Variants in LRRCC1 observed in about 807,000 individuals in gnomAD.
LRRCC1 encodes the protein leucine rich repeat and coiled-coil centrosomal protein 1.
In LRRCC1, 115 loss-of-function variants were observed where a neutral mutation model predicts 126.0. That is an observed-to-expected ratio of 0.91 (90% CI 0.78 to 1.07). The LOEUF is 1.07. Among genes scored for constraint, LRRCC1 ranks in the 50% least tolerant of loss-of-function variants. LRRCC1 has a pLI of 0.00. For synonymous variants in LRRCC1, 400 were observed against 393.4 expected (o/e 1.02, Z -0.20); for missense variants, 1,172 against 1,175.7 (o/e 1.00, Z 0.05).
chr8:85,135,923 G>C lies in LRRCC1; in HGVS notation c.2289G>C (p.Arg763Ser). 1.9e-6 allele frequency: 3 copies of C among 1,601,322 alleles called. No homozygotes were observed. Among genetic ancestry groups the C allele is most frequent in the Non-Finnish European group, 2.6e-6 (3 of 1,173,966 alleles). The change falls in exon 14 of 19, where the codon AGG (arginine) becomes AGC (serine). Residue 763 changes from arginine (R) to serine (S), a missense_variant. Transcript: ENST00000360375. ...AAKESLIFGL[R>S]TERKVWGHEL... ...AGGAATCACTAATATTTGGTTTAAG[G>C]ACAGAAAGAAAAGTATGGGGACATG...
At chr8:85,115,014 C>A in intron 4 of LRRCC1, 86 bp from the exon 5 acceptor site, 1 of 1,021,514 alleles carries the variant, frequency 9.8e-7, no homozygotes, top group South Asian at 1.9e-5. Flanking sequence ...GGTGATGTAT[C>A]TGGTAGCTGA....
At chr8:85,109,253 G>A in intron 1 of LRRCC1, 1 of 224,546 alleles carries the variant, frequency 4.5e-6, no homozygotes, top group East Asian at 9.6e-5. Context: ...ATAGAATGCA[G>A]ATTCAAACTG....
chr8:85,122,200 G>C (rs1192331781), intron 6 of LRRCC1, among the ~76,000 whole-genome samples: 1 of 152,006 alleles, frequency 6.6e-6, no homozygotes, highest in Non-Finnish European at 1.5e-5. Context: ...GTCTCTCTTT[G>C]TTTACAGCAG....
chr8:85,108,100 T>C (rs1232598483), intron 1 of LRRCC1, among the ~76,000 whole-genome samples: 2 of 152,206 alleles, frequency 1.3e-5, no homozygotes, highest in African/African-American at 4.8e-5. Flanking sequence ...CACTTACACT[T>C]TATTTACCTG....
At position 85,129,231 on chromosome 8, in the gene LRRCC1, T is replaced by A. The variant is rs1312182855; in HGVS notation, c.1478T>A (p.Val493Asp). ...TCCAAAGGACAACTCGAAGTTATGGTTCACAAACTTCAAAATGAAATTAAA... is the reference window on the plus strand; with the variant it reads ...TCCAAAGGACAACTCGAAGTTATGGATCACAAACTTCAAAATGAAATTAAA... ...RNSKGQLEVM[V>D]HKLQNEIKKL... Residue 493 changes from valine (V) to aspartate (D), a missense_variant, in exon 10 of 19, where the codon GTT (valine) becomes GAT (aspartate). Physicochemically the swap from Val to Asp is radical, Grantham distance 152. Transcript: ENST00000360375. 6.2e-7 allele frequency: 1 copy of A among 1,613,070 alleles called. No individual in the cohort carries two copies. Among genetic ancestry groups the A allele is most frequent in the Admixed American group, 1.7e-5 (1 of 59,914 alleles).
In LRRCC1 at chr8:85,130,924, TGATGG is replaced by T. The variant is rs532896450; in HGVS notation, c.1767-834_1767-830del. 3.7e-3 allele frequency among the ~76,000 whole-genome samples: 568 copies of T among 152,372 alleles called. 17 individuals carry two copies. The highest frequency in any genetic ancestry group is 5.9e-4 in the Non-Finnish European group (40 of 68,032). ...AAAAAGGCAGTAGGTCACATTTGGC[TGATGG>T]GCTGTAGTTTCTCAACTCTTGCTCT... On this transcript the variant is annotated intron_variant, in intron 11 of 18. Coordinates refer to ENST00000360375, the MANE Select transcript of LRRCC1 (RefSeq NM_033402.5).
At chr8:85,144,983 G>A (rs887532759) in intron 18 of LRRCC1, among the ~76,000 whole-genome samples, 5 of 150,520 alleles carry the variant, frequency 3.3e-5, no homozygotes, top group African/African-American at 4.9e-5. Context: ...GGGAGGCTGA[G>A]GCAGGAGAAT....
chr8:85,109,982 A>G (rs1436509312), intron 2 of LRRCC1, 133 bp from the exon 3 acceptor site: 9 of 604,826 alleles, frequency 1.5e-5, no homozygotes, highest in Non-Finnish European at 2.2e-5. Context: ...CTAAATGCCA[A>G]TAAAATTGAT....
At chr8:85,141,340 C>T in intron 17 of LRRCC1, 42 bp from the exon 18 acceptor site, 1 of 1,525,946 alleles carries the variant, frequency 6.6e-7, no homozygotes. Context: ...ACATTCACAC[C>T]ACATATACAC....
At chr8:85,138,616 TA>T (rs1811039662) in intron 17 of LRRCC1, 141 bp downstream of exon 17, 1 of 858,986 alleles carries the variant, frequency 1.2e-6, no homozygotes, top group African/African-American at 1.7e-5. Flanking sequence ...ATTTCATCTG[TA>T]AAATGAAGAT....
chr8:85,115,231 A>T lies in LRRCC1; in HGVS notation c.676A>T (p.Asn226Tyr), dbSNP rs770622542. The stretch of plus-strand genomic sequence containing the variant: ...GCAGTGCCTAGAAGGTCTTTTGGAT[A>T]ATTTAGTTTCTTCTGATTCTCCCCT... Reference protein sequence around the residue: ...QLQCLEGLLDNLVSSDSPLNI... With the variant: ...QLQCLEGLLDYLVSSDSPLNI... Residue 226 changes from asparagine to tyrosine, a missense_variant, in exon 5 of 19, where the codon AAT (asparagine) becomes TAT (tyrosine). By Grantham distance (143) the Asn-to-Tyr change is moderately radical. Coordinates refer to ENST00000360375, the MANE Select transcript of LRRCC1 (RefSeq NM_033402.5). 7.4e-6 allele frequency: 12 copies of T among 1,611,382 alleles called. No individual in the cohort carries two copies. The Admixed American group carries it at 1.8e-4, about 25-fold the overall frequency.
chr8:85,128,419 AC>A (rs1236994175), intron 9 of LRRCC1, among the ~76,000 whole-genome samples: 1,003 of 75,426 alleles, frequency 0.013, 12 homozygotes, highest in African/African-American at 0.053. Context: ...TATCTGTGCC[AC>A]CCCCCCACCC....
Position 85,131,765 on chromosome 8 carries a change from A to T in LRRCC1, c.1772A>T (p.Glu591Val). ...LALKEQEHRK[E>V]LETREFFTDA... Reference sequence around the variant, plus strand: ...TTATATGTTTTTCACTCCAGGAAGGAACTTGAAACAAGGGAGTTTTTTACT... The same window carrying T: ...TTATATGTTTTTCACTCCAGGAAGGTACTTGAAACAAGGGAGTTTTTTACT... The change falls in exon 12 of 19, where the codon GAA (glutamate) becomes GTA (valine). Residue 591 changes from glutamate (E) to valine (V), a missense_variant. Physicochemically the swap from Glu to Val is moderately radical, Grantham distance 121 (BLOSUM62 -2). Coordinates refer to ENST00000360375, the MANE Select transcript of LRRCC1 (RefSeq NM_033402.5). 6 of 1,611,136 alleles carry T rather than the reference A, an allele frequency of 3.7e-6. No homozygotes were observed. Among genetic ancestry groups the T allele is most frequent in the Non-Finnish European group, 5.1e-6 (6 of 1,178,898 alleles).
intron 2 of LRRCC1, 115 bp downstream of exon 2, chr8:85,109,915 C>A: frequency 3.1e-6 from 2 of 637,860 alleles, no homozygotes; most frequent in Admixed American, 3.6e-5. Flanking sequence ...GTCTGAAACT[C>A]ATTATACAAA....
In LRRCC1 at chr8:85,138,262, T is replaced by A. The variant is rs1435060504; in HGVS notation, c.2702+19T>A. 1 of 1,581,124 alleles carries A rather than the reference T, an allele frequency of 6.3e-7. No individual in the cohort carries two copies. The highest frequency in any genetic ancestry group is 8.6e-7 in the Non-Finnish European group (1 of 1,165,426). The stretch of plus-strand genomic sequence containing the variant: ...CTTACAGGTATTATATAGTACAGTA[T>A]TTCCCACTGAGAAATAAAATGTGGC... On this transcript the variant is annotated intron_variant, in intron 16 of 18. Coordinates refer to ENST00000360375, the MANE Select transcript of LRRCC1 (RefSeq NM_033402.5).
At position 85,109,742 on chromosome 8, in the gene LRRCC1, C is replaced by A; in HGVS notation, c.252C>A (p.Asn84Lys). The A allele has an allele frequency of 6.2e-7, 1 of 1,602,492 alleles. No individual in the cohort carries two copies. The highest frequency in any genetic ancestry group is 2.2e-5 in the East Asian group (1 of 44,612). Residue 84 changes from asparagine (N) to lysine (K), a missense_variant, in exon 2 of 19, where the codon AAC (asparagine) becomes AAA (lysine). Coordinates refer to ENST00000360375, the MANE Select transcript of LRRCC1 (RefSeq NM_033402.5). ...SNQISRIEGL[N>K]TLTKLCTLNL... ...AAATAAGTAGAATTGAAGGACTAAACACACTGACAAAACTGTGCACATTAA... is the reference window on the plus strand; with the variant it reads ...AAATAAGTAGAATTGAAGGACTAAAAACACTGACAAAACTGTGCACATTAA...
At chr8:85,111,629 A>G (rs1330555177) in intron 3 of LRRCC1, among the ~76,000 whole-genome samples, 1 of 152,192 alleles carries the variant, frequency 6.6e-6, no homozygotes, top group African/African-American at 2.4e-5. Flanking sequence ...CCCCCAAAAA[A>G]TCAGCAAAAG....
rs781161064 is a variant in LRRCC1 at position 85,129,195 on chromosome 8, G to A, written c.1442G>A (p.Arg481Lys). 47 of 1,609,008 alleles carry A rather than the reference G, an allele frequency of 2.9e-5. No individual in the cohort carries two copies. Among genetic ancestry groups the A allele is most frequent in the Non-Finnish European group, 3.9e-5 (46 of 1,178,018 alleles). ...TTTAGGCTAAAGGAAATTATTTTTA[G>A]AGAGAGAAATTCCAAAGGACAACTC... ...TTDRLKEIIFRERNSKGQLEV... is the reference protein window; with the variant it reads ...TTDRLKEIIFKERNSKGQLEV... The change falls in exon 10 of 19, where the codon AGA (arginine) becomes AAA (lysine). Residue 481 changes from arginine to lysine, a missense_variant. Physicochemically the swap from Arg to Lys is conservative, Grantham distance 26. Transcript: ENST00000360375.
At chr8:85,132,645 G>A (rs368362993) in intron 12 of LRRCC1, among the ~76,000 whole-genome samples, 13 of 152,120 alleles carry the variant, frequency 8.5e-5, no homozygotes, top group African/African-American at 2.4e-4. Context: ...CGCCTGCCTC[G>A]GCCTCCCAAA....
Sources: gnomAD v4.1 joint callset for allele counts (sites outside exome capture counted in the v4.1 genomes callset) on GRCh38, gnomAD v4.1.1 for gene constraint, MANE v1.5 for transcripts, NCBI Gene and HGNC (gene_info 2026-07-23, HGNC 2026-07-21) for gene names.